The following NOS1AP variants were observed in gnomAD, a reference collection of about 807,000 sequenced individuals.
NOS1AP encodes carboxyl-terminal PDZ ligand of neuronal nitric oxide synthase protein.
A neutral mutation model predicts 56.2 loss-of-function variants in NOS1AP; 21 were observed. The observed-to-expected ratio is 0.37, with a 90% CI of 0.26 to 0.54. The LOEUF is 0.54. Among genes scored for constraint, NOS1AP ranks in the 20% least tolerant of loss-of-function variants. NOS1AP has a pLI of 0.84. For missense variants in NOS1AP, 522 were observed against 657.8 expected, an observed-to-expected ratio of 0.79 and a Z score of 2.26; for synonymous variants, 270 against 274.6, an observed-to-expected ratio of 0.98 and a Z score of 0.17.
chr1:162,261,511 A>AG (rs1553200084), intron 2 of NOS1AP, among the ~76,000 whole-genome samples: 983 of 21,298 alleles, frequency 0.046, 377 homozygotes, highest in Non-Finnish European at 0.071. Context: ...AGAGAGAGAG[A>AG]GAGAGAGAGA....
At chr1:162,275,257 A>T (rs1332696980) in intron 2 of NOS1AP, among the ~76,000 whole-genome samples, 1 of 152,018 alleles carries the variant, frequency 6.6e-6, no homozygotes. Flanking sequence ...TTGGCTCTGC[A>T]ACCTCTGCCT....
intron 1 of NOS1AP, among the ~76,000 whole-genome samples, chr1:162,135,173 A>C (rs1319912328): frequency 2.0e-5 from 3 of 152,140 alleles, no homozygotes; most frequent in Non-Finnish European, 4.4e-5. Flanking sequence ...GCACATTGTC[A>C]CTGTTGAATC....
chr1:162,283,651 A>G (rs1221701540), intron 2 of NOS1AP, among the ~76,000 whole-genome samples: 1 of 152,126 alleles, frequency 6.6e-6, no homozygotes, highest in African/African-American at 2.4e-5. Context: ...GGCACGGCAC[A>G]TTAAGTTCCA....
chr1:162,211,803 G>T (rs985445737), intron 2 of NOS1AP, among the ~76,000 whole-genome samples: 1 of 152,164 alleles, frequency 6.6e-6, no homozygotes, highest in Non-Finnish European at 1.5e-5. Flanking sequence ...CAAGGGTCCA[G>T]GGTCTCTAGG....
chr1:162,074,842 C>T (rs1331310693), intron 1 of NOS1AP, among the ~76,000 whole-genome samples: 1 of 152,182 alleles, frequency 6.6e-6, no homozygotes, highest in Non-Finnish European at 1.5e-5. Context: ...TGACTATTCT[C>T]TTCACTGGCT....
chr1:162,217,266 G>GTTTTTTTTTTTTTTTTTTTTTTTTT (rs1557836281), intron 2 of NOS1AP, among the ~76,000 whole-genome samples: 1 of 18,290 alleles, frequency 5.5e-5, no homozygotes, highest in African/African-American at 1.5e-4. Flanking sequence ...GCTGTTGTTA[G>GTTTTTTTTTTTTTTTTTTTTTTTTT]CTTTTTTTTT....
chr1:162,074,140 GT>G (rs1241997550), intron 1 of NOS1AP, among the ~76,000 whole-genome samples: 1 of 152,194 alleles, frequency 6.6e-6, no homozygotes, highest in Non-Finnish European at 1.5e-5. Context: ...AGGCACATTA[GT>G]GTTATCTCGA....
chr1:162,126,343 C>T (rs1022432747), intron 1 of NOS1AP, among the ~76,000 whole-genome samples: 1 of 152,054 alleles, frequency 6.6e-6, no homozygotes, highest in African/African-American at 2.4e-5. Flanking sequence ...TTGTAGAATG[C>T]CCATTATTTG....
intron 4 of NOS1AP, among the ~76,000 whole-genome samples, chr1:162,312,352 C>A (rs1445568512): frequency 1.4e-5 from 2 of 143,490 alleles, no homozygotes; most frequent in African/African-American, 2.6e-5. Flanking sequence ...AGCATTTTTT[C>A]ATGTGTTTTT....
At chr1:162,257,429 A>G (rs1654066125) in intron 2 of NOS1AP, among the ~76,000 whole-genome samples, 1 of 152,042 alleles carries the variant, frequency 6.6e-6, no homozygotes, top group Admixed American at 6.6e-5. Context: ...TGGGTGGATC[A>G]CCTGAGGTTG....
intron 2 of NOS1AP, among the ~76,000 whole-genome samples, chr1:162,226,182 A>G (rs968471793): frequency 2.0e-5 from 3 of 152,164 alleles, no homozygotes; most frequent in African/African-American, 7.2e-5. Flanking sequence ...AATCCCAGCT[A>G]CTTGGGAGGC....
At chr1:162,304,780 CTGTGTGTGTGTGTG>C (rs3055849) in intron 4 of NOS1AP, among the ~76,000 whole-genome samples, 4 of 146,192 alleles carry the variant, frequency 2.7e-5, no homozygotes, top group Admixed American at 2.1e-4. Context: ...ATTTTTATAT[CTGTGTGTGTGTGTG>C]TGTGTGTGTG....
intron 2 of NOS1AP, among the ~76,000 whole-genome samples, chr1:162,232,583 G>A (rs1431065052): frequency 6.6e-6 from 1 of 151,632 alleles, no homozygotes; most frequent in Admixed American, 6.6e-5. Flanking sequence ...TTGCAGATGC[G>A]GTCTGCTGAC....
intron 2 of NOS1AP, among the ~76,000 whole-genome samples, chr1:162,204,297 C>T (rs1213110209): frequency 1.3e-5 from 2 of 152,248 alleles, no homozygotes; most frequent in African/African-American, 4.8e-5. Flanking sequence ...TCTCATTTCT[C>T]CACGATGCTC....
chr1:162,109,063 A>G (rs1647617599), intron 1 of NOS1AP, among the ~76,000 whole-genome samples: 1 of 152,144 alleles, frequency 6.6e-6, no homozygotes, highest in South Asian at 2.1e-4. Context: ...GTGCAGGGGA[A>G]CTCCCATTTA....
At chr1:162,365,603 T>C in intron 9 of NOS1AP, 34 bp downstream of exon 9, 6 of 1,603,864 alleles carry the variant, frequency 3.7e-6, no homozygotes, top group Non-Finnish European at 5.1e-6. Flanking sequence ...CTGCTTCCTC[T>C]GTGAAGGCTC....
At chr1:162,198,689 T>C (rs1651884403) in intron 2 of NOS1AP, among the ~76,000 whole-genome samples, 1 of 152,208 alleles carries the variant, frequency 6.6e-6, no homozygotes, top group Non-Finnish European at 1.5e-5. Context: ...ATCCACTGAT[T>C]CTTTCATTAT....
In NOS1AP at chr1:162,199,595, CGTGTGT is replaced by C. The variant is rs58625856; in HGVS notation, c.177+45160_177+45165del. Among the ~76,000 whole-genome samples, 926 of 131,674 alleles carry C rather than the reference CGTGTGT, an allele frequency of 7.0e-3. 2 individuals are homozygous for C. Among genetic ancestry groups the C allele is most frequent in the South Asian group, 0.01 (37 of 3,668 alleles). The allele number at this position is 131,674 out of a possible 152,430, so 86.4% of individuals were successfully genotyped here. A position where few individuals can be genotyped will look rare whatever the true frequency, so the allele number is the denominator to read the frequency against. On this transcript the variant is annotated intron_variant, in intron 2 of 9. Transcript: ENST00000361897. ...ATTCTGGACAACAGAGCATGGATTG[CGTGTGT>C]GTGTGTGTGTGTGTGTGTGTGTGTG...
chr1:162,320,678 A>AC (rs1218194314), intron 4 of NOS1AP, among the ~76,000 whole-genome samples: 1 of 151,976 alleles, frequency 6.6e-6, no homozygotes, highest in Non-Finnish European at 1.5e-5. Flanking sequence ...ACATGGTGAA[A>AC]CCCCGTCTCT....
Sources: allele counts gnomAD v4.1 joint callset (sites outside exome capture counted in the v4.1 genomes callset), GRCh38; gene constraint gnomAD v4.1.1; transcripts MANE v1.5; gene names NCBI Gene and HGNC (gene_info 2026-07-23, HGNC 2026-07-21).